Variants in ARMH3 observed in about 807,000 individuals in gnomAD.
ARMH3 encodes the protein armadillo-like helical domain-containing protein 3.
A neutral mutation model predicts 99.1 loss-of-function variants in ARMH3; 60 were observed. That is an observed-to-expected ratio of 0.61 (90% CI 0.49 to 0.75). The LOEUF is 0.75. ARMH3 is among the 30% of genes least tolerant of loss of function. The pLI is 0.00. For missense variants in ARMH3, 679 were observed against 843.1 expected, an observed-to-expected ratio of 0.81 and a Z score of 2.41; for synonymous variants, 285 against 292.8, an observed-to-expected ratio of 0.97 and a Z score of 0.27.
chr10:101,994,867 T>A (rs1846982028), intron 16 of ARMH3, among the ~76,000 whole-genome samples: 1 of 152,070 alleles, frequency 6.6e-6, no homozygotes, highest in African/African-American at 2.4e-5. Context: ...CAAAACCCCA[T>A]CTCTACTAAA....
At chr10:101,911,645 C>G (rs1406076488) in intron 23 of ARMH3, among the ~76,000 whole-genome samples, 1 of 152,154 alleles carries the variant, frequency 6.6e-6, no homozygotes, top group Non-Finnish European at 1.5e-5. Flanking sequence ...GCAGAAGGAT[C>G]CCTCGAGCCC....
chr10:101,850,090 C>CTTTTT (rs754571008), intron 24 of ARMH3, among the ~76,000 whole-genome samples, 198 bp from the exon 25 acceptor site: 15 of 91,342 alleles, frequency 1.6e-4, no homozygotes, highest in African/African-American at 2.7e-4. Flanking sequence ...CTCTCTCTCT[C>CTTTTT]TTTTTTTTTT....
chr10:101,896,504 T>A (rs549598599), intron 23 of ARMH3, among the ~76,000 whole-genome samples: 16 of 152,228 alleles, frequency 1.1e-4, no homozygotes. Flanking sequence ...TAGATTGTGA[T>A]GATGGTTGTA....
At chr10:101,871,364 A>G (rs1241947331) in intron 24 of ARMH3, among the ~76,000 whole-genome samples, 2 of 152,228 alleles carry the variant, frequency 1.3e-5, no homozygotes, top group African/African-American at 4.8e-5. Context: ...GACCTAGAAT[A>G]TTCAAAAACA....
At chr10:102,003,847 C>T (rs576512332) in intron 14 of ARMH3, among the ~76,000 whole-genome samples, 1 of 152,258 alleles carries the variant, frequency 6.6e-6, no homozygotes, top group South Asian at 2.1e-4. Flanking sequence ...GTTAGGCCTC[C>T]AAGAGCTAAT....
At chr10:101,936,934 T>C (rs770253117) in intron 23 of ARMH3, among the ~76,000 whole-genome samples, 3 of 152,202 alleles carry the variant, frequency 2.0e-5, no homozygotes, top group Non-Finnish European at 2.9e-5. Context: ...TGCATTACAT[T>C]ATATAATTCT....
At chr10:101,978,936 T>C (rs1211240464) in intron 19 of ARMH3, among the ~76,000 whole-genome samples, 1 of 151,316 alleles carries the variant, frequency 6.6e-6, no homozygotes, top group Non-Finnish European at 1.5e-5. Flanking sequence ...CGAGACACCA[T>C]CTCAAAAAAT....
chr10:101,899,634 G>A lies in ARMH3; in HGVS notation c.1782-10144C>T, dbSNP rs142165082. ...CATTACAAGCCTCAAAGACTCTGCT[G>A]ATTAACATTAAACAAAATAAAACCT... On this transcript the variant is annotated intron_variant, in intron 23 of 25. Transcript: ENST00000370033. Among the ~76,000 whole-genome samples the A allele has an allele frequency of 1.3e-4, 20 of 152,274 alleles. No individual in the cohort carries two copies. The East Asian group carries it at 3.7e-3, about 28-fold the overall frequency.
intron 2 of ARMH3, among the ~76,000 whole-genome samples, chr10:102,036,256 G>A (rs1315139636): frequency 6.7e-5 from 10 of 148,622 alleles, no homozygotes; most frequent in African/African-American, 2.2e-4. Flanking sequence ...GGAGGGAGAT[G>A]GGGGGGCACA....
intron 19 of ARMH3, among the ~76,000 whole-genome samples, chr10:101,985,130 C>T (rs1336970938): frequency 1.3e-5 from 2 of 149,952 alleles, no homozygotes; most frequent in East Asian, 2.0e-4. Flanking sequence ...TATATATACA[C>T]ACATGTGTAC....
chr10:101,955,493 T>C (rs868091067), intron 22 of ARMH3, among the ~76,000 whole-genome samples: 1 of 152,332 alleles, frequency 6.6e-6, no homozygotes, highest in East Asian at 1.9e-4. Context: ...TTAAAAGTTT[T>C]CCTTCACTTC....
chr10:101,878,759 G>A (rs113317452), intron 24 of ARMH3, among the ~76,000 whole-genome samples: 350 of 151,958 alleles, frequency 2.3e-3, no homozygotes, highest in African/African-American at 8.0e-3. Context: ...CCCAGGAATT[G>A]GAGCCTGCAG....
At chr10:101,865,072 C>T (rs1589928128) in intron 24 of ARMH3, among the ~76,000 whole-genome samples, 1 of 151,646 alleles carries the variant, frequency 6.6e-6, no homozygotes, top group African/African-American at 2.4e-5. Flanking sequence ...AAAAATTAGC[C>T]AGGCATGGTG....
intron 1 of ARMH3, among the ~76,000 whole-genome samples, chr10:102,043,207 C>A (rs1757403846): frequency 6.6e-6 from 1 of 152,184 alleles, no homozygotes; most frequent in Non-Finnish European, 1.5e-5. Context: ...GAGAGAACCA[C>A]CATCAGCTGA....
At chr10:102,049,947 C>T (rs766556556) in intron 1 of ARMH3, among the ~76,000 whole-genome samples, 1 of 152,176 alleles carries the variant, frequency 6.6e-6, no homozygotes, top group East Asian at 1.9e-4. Context: ...TCTGGTAGCG[C>T]TTCTCCCTAT....
At chr10:101,941,820 T>C (rs893032218) in intron 22 of ARMH3, among the ~76,000 whole-genome samples, 1 of 152,198 alleles carries the variant, frequency 6.6e-6, no homozygotes, top group African/African-American at 2.4e-5. Context: ...TTCAACTCAA[T>C]TGTGAAATTT....
intron 8 of ARMH3, among the ~76,000 whole-genome samples, chr10:102,022,352 C>T (rs1395896216): frequency 3.3e-5 from 5 of 150,872 alleles, no homozygotes; most frequent in South Asian, 2.1e-4. Context: ...ATTAGCCGGG[C>T]GTGGTGGTGG....
intron 22 of ARMH3, among the ~76,000 whole-genome samples, chr10:101,950,494 A>G (rs1844735843): frequency 6.6e-6 from 1 of 152,252 alleles, no homozygotes; most frequent in African/African-American, 2.4e-5. Context: ...AAATTTGTAC[A>G]TGGATGCTCA....
At chr10:101,889,595 G>C in intron 23 of ARMH3, 105 bp from the exon 24 acceptor site, 1 of 1,038,456 alleles carries the variant, frequency 9.6e-7, no homozygotes, top group Non-Finnish European at 1.5e-6. Flanking sequence ...CTAGAGCATG[G>C]GACCGATTGT....
Sources: allele counts gnomAD v4.1 joint callset (sites outside exome capture counted in the v4.1 genomes callset), GRCh38; gene constraint gnomAD v4.1.1; transcripts MANE v1.5; gene names NCBI Gene and HGNC (gene_info 2026-07-23, HGNC 2026-07-21).